LITAF: variants seen among roughly 807,000 people sequenced by gnomAD.
LITAF encodes the protein lipopolysaccharide induced TNF factor, also known as lipopolysaccharide-induced tumor necrosis factor-alpha factor.
LITAF carries 9 observed loss-of-function variants against 14.5 expected under a neutral mutation model. The observed-to-expected ratio is 0.62, with a 90% CI of 0.37 to 1.08. LITAF has a LOEUF of 1.08. Among genes scored for constraint, LITAF ranks in the 50% least tolerant of loss-of-function variants. LITAF has a pLI of 0.01. For synonymous variants in LITAF, 98 were observed against 88.2 expected (o/e 1.11, Z -0.62); for missense variants, 206 against 213.4 (o/e 0.97, Z 0.22).
At chr16:11,562,932 T>G (rs147462558) in intron 1 of LITAF, among the ~76,000 whole-genome samples, 1 of 151,610 alleles carries the variant, frequency 6.6e-6, no homozygotes. Flanking sequence ...CACAAAATCA[T>G]ATATAAAGAC....
chr16:11,550,379 C>T (rs938172087), intron 3 of LITAF, among the ~76,000 whole-genome samples: 3 of 152,142 alleles, frequency 2.0e-5, no homozygotes, highest in Non-Finnish European at 4.4e-5. Flanking sequence ...CGAGAGCCAC[C>T]ACACCCGGCC....
upstream of LITAF, chr16:11,587,053 C>G (rs1267004291): frequency 6.0e-6 from 1 of 167,364 alleles, no homozygotes; most frequent in Non-Finnish European, 1.3e-5. Flanking sequence ...ACCTGGGCCC[C>G]AGGCGAGACC....
intron 3 of LITAF, among the ~76,000 whole-genome samples, chr16:11,614,625 G>C (rs1378677495): frequency 6.7e-6 from 1 of 148,934 alleles, no homozygotes; most frequent in African/African-American, 2.5e-5. Context: ...TTTAAGATGG[G>C]GTCTTACTCT....
chr16:11,609,438 T>G (rs573801384), intron 3 of LITAF, among the ~76,000 whole-genome samples: 33 of 152,242 alleles, frequency 2.2e-4, no homozygotes, highest in African/African-American at 7.0e-4. Flanking sequence ...GGTCTTGAAC[T>G]CCTGACCTCA....
At chr16:11,612,393 C>T (rs138028996) in intron 3 of LITAF, among the ~76,000 whole-genome samples, 266 of 152,334 alleles carry the variant, frequency 1.7e-3, no homozygotes, top group Admixed American at 3.4e-3. Flanking sequence ...GAAGAGGTGT[C>T]TCCCTCCCTG....
At chr16:11,594,318 A>G (rs1315330333) in intron 1 of LITAF, among the ~76,000 whole-genome samples, 3 of 151,684 alleles carry the variant, frequency 2.0e-5, no homozygotes, top group Admixed American at 2.0e-4. Context: ...TTTTTTTTTA[A>G]CATAAACCAG....
At chr16:11,600,975 G>A (rs1401000599), upstream of LITAF, among the ~76,000 whole-genome samples, 4 of 152,094 alleles carry the variant, frequency 2.6e-5, no homozygotes, top group African/African-American at 9.7e-5. The surrounding 1 kb of genome is among the most constrained non-coding windows in gnomAD (Gnocchi z 4.1). Context: ...GTGAGGCCTG[G>A]GCAGGGTGTC....
intron 3 of LITAF, among the ~76,000 whole-genome samples, chr16:11,618,886 G>C (rs1186371287): frequency 1.3e-5 from 2 of 152,098 alleles, no homozygotes; most frequent in East Asian, 3.9e-4. Context: ...AGGAGGCTGA[G>C]GCAGGAGAAT....
At chr16:11,638,108 A>C (rs1376568463), upstream of LITAF, among the ~76,000 whole-genome samples, 4 of 140,602 alleles carry the variant, frequency 2.8e-5, 2 homozygotes, top group African/African-American at 1.1e-4. Flanking sequence ...ATATATATAT[A>C]TCTATCTATA....
chr16:11,556,202 G>C, intron 2 of LITAF: 1 of 511,140 alleles, frequency 2.0e-6, no homozygotes, highest in Non-Finnish European at 3.4e-6. Flanking sequence ...AGGAGGAAGT[G>C]TGCGGGCCCT....
At chr16:11,582,096 C>T (rs538302903) in intron 1 of LITAF, among the ~76,000 whole-genome samples, 44 of 152,252 alleles carry the variant, frequency 2.9e-4, no homozygotes, top group Non-Finnish European at 4.6e-4. Context: ...ATTCTGAATG[C>T]TCACAACACA....
chr16:11,620,179 A>G (rs1366656544), intron 3 of LITAF, among the ~76,000 whole-genome samples: 24 of 151,160 alleles, frequency 1.6e-4, no homozygotes, highest in Admixed American at 7.2e-4. Context: ...AAAAAAAAAA[A>G]AAAAGAAAAG....
At chr16:11,572,648 A>T (rs941138831) in intron 1 of LITAF, among the ~76,000 whole-genome samples, 8 of 152,224 alleles carry the variant, frequency 5.3e-5, no homozygotes, top group African/African-American at 1.4e-4. Flanking sequence ...GCACTCCTCA[A>T]AACTGTCAAA....
At chr16:11,628,451 A>G (rs1358944556) in intron 3 of LITAF, among the ~76,000 whole-genome samples, 1 of 152,180 alleles carries the variant, frequency 6.6e-6, no homozygotes, top group Non-Finnish European at 1.5e-5. Flanking sequence ...CTTTTACCGA[A>G]AGTATCCAAT....
intron 1 of LITAF, among the ~76,000 whole-genome samples, chr16:11,562,471 A>T (rs1218105179): frequency 2.0e-5 from 3 of 152,164 alleles, no homozygotes; most frequent in African/African-American, 4.8e-5. Flanking sequence ...TTCCTGATCC[A>T]TGGAGAATTT....
At chr16:11,625,598 G>A (rs1249088673) in intron 3 of LITAF, among the ~76,000 whole-genome samples, 2 of 152,254 alleles carry the variant, frequency 1.3e-5, no homozygotes, top group South Asian at 4.1e-4. Context: ...TTCTGTCTCA[G>A]CATCAGCCTC....
At chr16:11,599,893 A>T (rs1337141397), upstream of LITAF, among the ~76,000 whole-genome samples, 1 of 151,964 alleles carries the variant, frequency 6.6e-6, no homozygotes, top group East Asian at 1.9e-4. Flanking sequence ...GTGCTCAAAC[A>T]CCACTGACCA....
At chr16:11,636,798 A>G (rs545100184), upstream of LITAF, among the ~76,000 whole-genome samples, 27 of 152,198 alleles carry the variant, frequency 1.8e-4, 1 homozygote, top group East Asian at 9.6e-4. Flanking sequence ...AATGATGTGG[A>G]GGCTACTTTT....
chr16:11,590,964 C>T (rs562237200), upstream of LITAF, among the ~76,000 whole-genome samples: 74 of 116,988 alleles, frequency 6.3e-4, 12 homozygotes, highest in Non-Finnish European at 9.5e-4. Context: ...AACTCCTGGA[C>T]TCAAGTGATC....
Sources: gnomAD v4.1 joint callset for allele counts (sites outside exome capture counted in the v4.1 genomes callset) on GRCh38, gnomAD v4.1.1 for gene constraint, Gnocchi (gnomAD v3.1) non-coding constraint, MANE v1.5 for transcripts, NCBI Gene and HGNC (gene_info 2026-07-23, HGNC 2026-07-21) for gene names.